BACH2: variants seen among roughly 807,000 people sequenced by gnomAD.
BACH2 encodes the protein BACH transcriptional regulator 2.
In BACH2, 5 loss-of-function variants were observed where a neutral mutation model predicts 61.8. The ratio of observed to expected loss-of-function variants is 0.08; its 90% CI spans 0.04 to 0.17. The LOEUF (loss-of-function observed/expected upper bound fraction) is 0.17, where lower values mean the gene tolerates loss of function less well. BACH2 is among the 10% of genes least tolerant of loss of function. BACH2 has a pLI of 1.00. For missense variants in BACH2, 824 were observed against 1,091.1 expected (o/e 0.76, Z 3.45); for synonymous variants, 446 against 440.1 (o/e 1.01, Z -0.17).
At chr6:90,055,192 T>C (rs548533231) in intron 5 of BACH2, among the ~76,000 whole-genome samples, 17 of 152,214 alleles carry the variant, frequency 1.1e-4, no homozygotes, top group Non-Finnish European at 1.6e-4. Flanking sequence ...AGGAGGAGCT[T>C]TGAACCAATG....
Position 90,060,028 on chromosome 6 carries a change from T to C in BACH2, c.-13+28933A>G, listed in dbSNP as rs139664880. ...ATTAGGAGATATACCTAATGCTAAA[T>C]GACGAGTTAATGGGTGCAGCACACC... On this transcript the variant is annotated intron_variant, in intron 5 of 8. Transcript: ENST00000257749. Among the ~76,000 whole-genome samples the C allele has an allele frequency of 5.2e-3, 769 of 148,034 alleles. 41 individuals carry two copies. The East Asian group carries it at 0.13, about 24-fold the overall frequency.
At position 90,089,000 on chromosome 6, in the gene BACH2, G is replaced by C. The variant is rs774533098; in HGVS notation, c.-52C>G. The C allele has an allele frequency of 5.9e-5, 9 of 152,312 alleles. No individual in the cohort carries two copies. The highest frequency in any genetic ancestry group is 1.2e-4 in the Non-Finnish European group (8 of 68,028). The allele number at this position is 152,312 out of a possible 1,614,324, so 9.4% of individuals were successfully genotyped here. A position where few individuals can be genotyped will look rare whatever the true frequency, so the allele number is the denominator to read the frequency against. On this transcript the variant is annotated 5_prime_UTR_variant, in exon 5 of 9. Transcript: ENST00000257749. ...GGTCCTGTGCTGCCTTCGAGTCTTAGGATGCAGGGAACTGGGCGAAGGGAG... is the reference window on the plus strand; with the variant it reads ...GGTCCTGTGCTGCCTTCGAGTCTTACGATGCAGGGAACTGGGCGAAGGGAG...
At chr6:89,945,355 AC>A (rs1773662133) in intron 7 of BACH2, among the ~76,000 whole-genome samples, 1 of 152,258 alleles carries the variant, frequency 6.6e-6, no homozygotes, top group Admixed American at 6.5e-5. Flanking sequence ...ATTAAAAGCA[AC>A]AAAGTACTAA....
At chr6:90,280,325 C>CAAT (rs142677627) in intron 1 of BACH2, among the ~76,000 whole-genome samples, 2,386 of 152,088 alleles carry the variant, frequency 0.016, 67 homozygotes, top group African/African-American at 0.055. Flanking sequence ...GAAAATACAA[C>CAAT]GTTATGTAAT....
chr6:89,970,702 C>A (rs1395719590), intron 6 of BACH2, among the ~76,000 whole-genome samples: 2 of 152,126 alleles, frequency 1.3e-5, no homozygotes, highest in East Asian at 1.9e-4. Context: ...GTTTCTGGCC[C>A]CCCCCAGATC....
intron 6 of BACH2, among the ~76,000 whole-genome samples, chr6:89,999,381 C>T (rs1015876102): frequency 6.6e-6 from 1 of 151,810 alleles, no homozygotes; most frequent in African/African-American, 2.4e-5. Context: ...CAATGGCTTG[C>T]TGCCAGTTCG....
chr6:90,233,639 G>A (rs1770168865), intron 3 of BACH2, among the ~76,000 whole-genome samples: 1 of 152,114 alleles, frequency 6.6e-6, no homozygotes, highest in South Asian at 2.1e-4. Flanking sequence ...TAGGGTCCTC[G>A]ACAAAATGCC....
intron 5 of BACH2, among the ~76,000 whole-genome samples, chr6:90,045,183 A>T (rs969207830): frequency 6.6e-6 from 1 of 152,208 alleles, no homozygotes; most frequent in Non-Finnish European, 1.5e-5. Flanking sequence ...CCATGTCTAG[A>T]TGGCTAATCC....
intron 3 of BACH2, among the ~76,000 whole-genome samples, chr6:90,241,163 ATTATAG>A (rs1770439906): frequency 6.6e-6 from 1 of 151,030 alleles, no homozygotes; most frequent in East Asian, 1.9e-4. Context: ...GTTGACTAAA[ATTATAG>A]TTATATGGTT....
intron 6 of BACH2, among the ~76,000 whole-genome samples, chr6:89,988,274 T>C (rs780916389): frequency 6.6e-6 from 1 of 152,322 alleles, no homozygotes; most frequent in South Asian, 2.1e-4. Context: ...TTATACAGCA[T>C]TTTTCCAGGC....
chr6:90,040,626 G>C (rs1448161860), intron 5 of BACH2, among the ~76,000 whole-genome samples: 1 of 151,652 alleles, frequency 6.6e-6, no homozygotes, highest in Non-Finnish European at 1.5e-5. Flanking sequence ...GAGGTTTTCT[G>C]TCCAAGGACA....
At chr6:90,178,995 G>A (rs776291329) in intron 4 of BACH2, among the ~76,000 whole-genome samples, 6 of 152,098 alleles carry the variant, frequency 3.9e-5, no homozygotes, top group Non-Finnish European at 8.8e-5. Context: ...TTTATGACTC[G>A]TTAAAATATA....
intron 3 of BACH2, among the ~76,000 whole-genome samples, chr6:90,207,414 G>A (rs1013644547): frequency 1.3e-5 from 2 of 152,254 alleles, no homozygotes; most frequent in Non-Finnish European, 2.9e-5. Flanking sequence ...TACCTGGCCA[G>A]TTTCAAGGTT....
intron 5 of BACH2, among the ~76,000 whole-genome samples, chr6:90,032,234 A>G (rs1280491092): frequency 1.3e-5 from 2 of 150,952 alleles, no homozygotes; most frequent in African/African-American, 4.9e-5. Flanking sequence ...TAAATGTTAG[A>G]CCTAAAACCA....
intron 6 of BACH2, among the ~76,000 whole-genome samples, chr6:89,973,665 G>C (rs903500209): frequency 9.2e-5 from 14 of 151,842 alleles, no homozygotes; most frequent in Non-Finnish European, 2.1e-4. Flanking sequence ...AAGGACATGG[G>C]TATCTTTGGG....
At chr6:90,233,193 G>A (rs1448474565) in intron 3 of BACH2, among the ~76,000 whole-genome samples, 1 of 152,210 alleles carries the variant, frequency 6.6e-6, no homozygotes, top group East Asian at 1.9e-4. Context: ...GAGGTGAGAA[G>A]CCACCTTTTT....
At chr6:90,166,256 A>C (rs1194525340) in intron 4 of BACH2, among the ~76,000 whole-genome samples, 2 of 152,212 alleles carry the variant, frequency 1.3e-5, no homozygotes, top group Non-Finnish European at 2.9e-5. Flanking sequence ...ATATGAACAG[A>C]CACTTCTCAA....
At chr6:90,285,314 G>T (rs1264320230) in intron 1 of BACH2, among the ~76,000 whole-genome samples, 1 of 152,120 alleles carries the variant, frequency 6.6e-6, no homozygotes, top group Non-Finnish European at 1.5e-5. Flanking sequence ...ATAAAACAAT[G>T]TCAGGCTAGT....
At chr6:89,968,942 C>T (rs1050699120) in intron 6 of BACH2, among the ~76,000 whole-genome samples, 5 of 151,416 alleles carry the variant, frequency 3.3e-5, no homozygotes, top group Admixed American at 6.6e-5. Flanking sequence ...ATCTGGGAGG[C>T]GGAGGTTGCA....
Sources: allele counts gnomAD v4.1 joint callset (sites outside exome capture counted in the v4.1 genomes callset), GRCh38; gene constraint gnomAD v4.1.1; transcripts MANE v1.5; gene names NCBI Gene and HGNC (gene_info 2026-07-23, HGNC 2026-07-21).